PELI3: variants seen among roughly 807,000 people sequenced by gnomAD.
The protein encoded by PELI3 is E3 ubiquitin-protein ligase pellino homolog 3.
PELI3 carries 19 observed loss-of-function variants against 35.5 expected under a neutral mutation model. That is an observed-to-expected ratio of 0.54 (90% CI 0.37 to 0.79). PELI3 has a LOEUF of 0.79. Among genes scored for constraint, PELI3 ranks in the 30% least tolerant of loss-of-function variants. The pLI is 0.00. For missense variants in PELI3, 490 were observed against 661.2 expected (o/e 0.74, Z 2.84); for synonymous variants, 262 against 279.2 (o/e 0.94, Z 0.62).
At position 66,475,675 on chromosome 11, in the gene PELI3, G is replaced by C. The variant is rs549816627; in HGVS notation, c.918G>C (p.Pro306=). 1.9e-6 allele frequency: 3 copies of C among 1,612,560 alleles called. No individual in the cohort carries two copies. The Admixed American group carries it at 5.0e-5, about 27-fold the overall frequency. The change falls in exon 8 of 8, where the codon CCG becomes CCC. Residue 306 remains proline (P), a synonymous_variant. Transcript: ENST00000320740. ...LCGATLLWRT[P]AGLLRAPTLK... ...GGGCCACACTGCTGTGGCGCACACC[G>C]GCGGGGCTGCTGCGGGCTCCCACAC... is the stretch of plus-strand genomic sequence containing the variant.
At position 66,471,152 on chromosome 11, in the gene PELI3, C is replaced by A; in HGVS notation, c.225-90C>A. 4 of 1,453,186 alleles carry A rather than the reference C, an allele frequency of 2.8e-6. No homozygotes were observed. The South Asian group carries it at 3.8e-5, about 14-fold the overall frequency. The allele number at this position is 1,453,186 out of a possible 1,614,324, so 90.0% of individuals were successfully genotyped here. A position where few individuals can be genotyped will look rare whatever the true frequency, so the allele number is the denominator to read the frequency against. ...AAGGTAGGATCTGCCTAGAAGTTGG[C>A]AGTTTCCTCCAAGTCTCATCAGGGG... is the stretch of plus-strand genomic sequence containing the variant. On this transcript the variant is annotated intron_variant, in intron 3 of 7. Coordinates refer to ENST00000320740, the MANE Select transcript of PELI3 (RefSeq NM_145065.3).
At chr11:66,474,291 A>G in intron 7 of PELI3, 5 of 577,900 alleles carry the variant, frequency 8.7e-6, no homozygotes, top group Non-Finnish European at 1.5e-5. Context: ...TTTATAGCCT[A>G]AAGGGTTGGC....
chr11:66,475,675 G>A lies in PELI3; in HGVS notation c.918G>A (p.Pro306=), dbSNP rs549816627. ...LCGATLLWRT[P]AGLLRAPTLK... is the part of the protein sequence containing the mutation. ...GGGCCACACTGCTGTGGCGCACACC[G>A]GCGGGGCTGCTGCGGGCTCCCACAC... The change falls in exon 8 of 8, where the codon CCG becomes CCA. Residue 306 remains proline, a synonymous_variant. Transcript: ENST00000320740. The A allele has an allele frequency of 7.4e-6, 12 of 1,612,560 alleles. No homozygotes were observed. The highest frequency in any genetic ancestry group is 4.0e-5 in the African/African-American group (3 of 75,052).
intron 2 of PELI3, 122 bp from the exon 3 acceptor site, chr11:66,468,711 A>C: frequency 1.8e-6 from 1 of 567,336 alleles, no homozygotes; most frequent in Non-Finnish European, 3.3e-6. Flanking sequence ...TTGTTGGAAG[A>C]AATGAATGAG....
At position 66,469,664 on chromosome 11, in the gene PELI3, C is replaced by A. The variant is rs147251406; in HGVS notation, c.224+760C>A. Among the ~76,000 whole-genome samples, 1,321 of 152,338 alleles carry A rather than the reference C, an allele frequency of 8.7e-3. 24 individuals carry two copies. Among genetic ancestry groups the A allele is most frequent in the African/African-American group, 0.029 (1,217 of 41,566 alleles). ...CATGGGTATGGACCCTCCTGTCAGC[C>A]CCCTTGGGGAGCAGAGTCCACACTG... On this transcript the variant is annotated intron_variant, in intron 3 of 7. Coordinates refer to ENST00000320740, the MANE Select transcript of PELI3 (RefSeq NM_145065.3).
chr11:66,476,484 A>G lies in PELI3; in HGVS notation c.*317A>G. The G allele has an allele frequency of 2.7e-6, 1 of 371,996 alleles. No individual in the cohort carries two copies. Among genetic ancestry groups the G allele is most frequent in the South Asian group, 3.8e-5 (1 of 26,406 alleles). 23.0% of individuals were successfully genotyped at this position (371,996 alleles called of 1,614,324 possible). On this transcript the variant is annotated 3_prime_UTR_variant, in exon 8 of 8. Coordinates refer to ENST00000320740, the MANE Select transcript of PELI3 (RefSeq NM_145065.3). The stretch of plus-strand genomic sequence containing the variant: ...ACACTGTGTGCCCCTGGGGGAGTGA[A>G]GGGGCCAGGGGCCTTTGACCCCCAG...
At chr11:66,471,410 C>T (rs760792667) in intron 4 of PELI3, 39 bp downstream of exon 4, 3 of 1,604,538 alleles carry the variant, frequency 1.9e-6, no homozygotes, top group Middle Eastern at 1.7e-4. Context: ...CCTGCCCTCC[C>T]TGCCCAAGGC....
At chr11:66,468,467 T>C in intron 2 of PELI3, among the ~76,000 whole-genome samples, 187 bp downstream of exon 2, 1 of 152,244 alleles carries the variant, frequency 6.6e-6, no homozygotes, top group East Asian at 1.9e-4. Context: ...CTTCCCATTT[T>C]TCACAAAGTA....
intron 7 of PELI3, 117 bp downstream of exon 7, chr11:66,474,042 G>A (rs1172455995): frequency 1.3e-5 from 18 of 1,343,994 alleles, no homozygotes; most frequent in Non-Finnish European, 1.9e-5. Flanking sequence ...AGCCCCAACA[G>A]GCTCCATATC....
chr11:66,473,504 A>G lies in PELI3; in HGVS notation c.651+69A>G. The G allele has an allele frequency of 1.3e-6, 2 of 1,498,208 alleles. No homozygotes were observed. The highest frequency in any genetic ancestry group is 2.5e-5 in the South Asian group (2 of 79,244). The allele number at this position is 1,498,208 out of a possible 1,614,324, so 92.8% of individuals were successfully genotyped here. On this transcript the variant is annotated intron_variant, in intron 6 of 7. Transcript: ENST00000320740. This position sits in a 1 kb window ranked among gnomAD's most constrained non-coding sequence, Gnocchi z 5.8. Reference sequence around the variant, plus strand: ...AAGGGGTAGGCTTGGGAGGTGCAGCATCTTGAGGTGATGAACCAGCCCACA... The same window carrying G: ...AAGGGGTAGGCTTGGGAGGTGCAGCGTCTTGAGGTGATGAACCAGCCCACA...
rs748894254 is a variant in PELI3 at position 66,473,917 on chromosome 11, G to T, written c.832G>T (p.Gly278Cys). Residue 278 changes from glycine (G) to cysteine (C), a missense_variant, in exon 7 of 8, where the codon GGC becomes TGC. Around this residue, in one of 3 missense-constraint regions of PELI3, gnomAD observed 349 missense variants for 484.8 expected, o/e 0.72. Transcript: ENST00000320740. This position sits in a 1 kb window ranked among gnomAD's most constrained non-coding sequence, Gnocchi z 5.8. ...LRDSRSAQQR[G>C]KLVENESNVL... is the part of the protein sequence containing the mutation. Reference sequence around the variant, plus strand: ...GGACAGCCGCTCAGCCCAGCAGCGGGGCAAGCTGGTAGGTGGCCCGCTCCA... The same window carrying T: ...GGACAGCCGCTCAGCCCAGCAGCGGTGCAAGCTGGTAGGTGGCCCGCTCCA... 1.2e-6 allele frequency: 2 copies of T among 1,613,196 alleles called. No individual in the cohort carries two copies. The highest frequency in any genetic ancestry group is 1.7e-6 in the Non-Finnish European group (2 of 1,180,000).
intron 4 of PELI3, 164 bp from the exon 5 acceptor site, chr11:66,472,205 C>T: frequency 1.7e-6 from 1 of 595,800 alleles, no homozygotes; most frequent in Non-Finnish European, 3.0e-6. Flanking sequence ...GACTGTAGGG[C>T]TTAAATCATG....
In PELI3 at chr11:66,475,611, C is replaced by T. The variant is rs775846105; in HGVS notation, c.854C>T (p.Ser285Phe). Reference sequence around the variant, plus strand: ...TGCCTCTGGCAGGTGGAAAACGAGTCCAACGTGCTGCAGGACGGCTCTCTC... The same window carrying T: ...TGCCTCTGGCAGGTGGAAAACGAGTTCAACGTGCTGCAGGACGGCTCTCTC... Reference protein sequence around the residue: ...QQRGKLVENESNVLQDGSLID... With the variant: ...QQRGKLVENEFNVLQDGSLID... Residue 285 changes from serine (S) to phenylalanine (F), a missense_variant, in exon 8 of 8, where the codon TCC becomes TTC. Coordinates refer to ENST00000320740, the MANE Select transcript of PELI3 (RefSeq NM_145065.3). 3 of 1,612,264 alleles carry T rather than the reference C, an allele frequency of 1.9e-6. No individual in the cohort carries two copies. The highest frequency in any genetic ancestry group is 2.5e-6 in the Non-Finnish European group (3 of 1,179,760).
At chr11:66,475,410 G>A (rs1032719686) in intron 7 of PELI3, among the ~76,000 whole-genome samples, 188 bp from the exon 8 acceptor site, 22 of 152,248 alleles carry the variant, frequency 1.4e-4, no homozygotes, top group African/African-American at 3.1e-4. Flanking sequence ...CCCATGCCCC[G>A]TTGGGAGGGG....
rs1228504541 is a variant in PELI3, at chr11:66,467,082, C to G, written c.-2+55C>G. On this transcript the variant is annotated intron_variant, in intron 1 of 7. Transcript: ENST00000320740. The surrounding 1 kb of genome is among the most constrained non-coding windows in gnomAD (Gnocchi z 4.2). ...GCTGCGCCAGGCGGGCCCCGGCGGG[C>G]GCGGGGGGCGTGTTTGCGTGTCTGG... The G allele has an allele frequency of 1.4e-5, 2 of 145,552 alleles. No individual in the cohort carries two copies. Among genetic ancestry groups the G allele is most frequent in the Non-Finnish European group, 3.1e-5 (2 of 65,490 alleles). The allele number at this position is 145,552 out of a possible 1,614,324, so 9.0% of individuals were successfully genotyped here.
chr11:66,470,473 G>T (rs1300703345), intron 3 of PELI3, among the ~76,000 whole-genome samples: 1 of 152,154 alleles, frequency 6.6e-6, no homozygotes, highest in Non-Finnish European at 1.5e-5. Context: ...TTGTAAGATG[G>T]GCAGAAAGCC....
rs1854909626 is a variant in PELI3 at position 66,476,102 on chromosome 11, T to G, written c.1345T>G (p.Cys449Gly). 6.2e-7 allele frequency: 1 copy of G among 1,601,776 alleles called. No homozygotes were observed. The highest frequency in any genetic ancestry group is 8.5e-7 in the Non-Finnish European group (1 of 1,176,898). The part of the protein sequence containing the change: ...THAFHAACPF[C>G]GAWLTGEHGC... ...TGCTTTCCATGCCGCCTGCCCCTTT[T>G]GCGGGGCCTGGCTTACCGGCGAGCA... The change falls in exon 8 of 8, where the codon TGC becomes GGC. Residue 449 changes from cysteine to glycine, a missense_variant. Cys to Gly is a radical substitution (Grantham distance 159). This residue lies in a region of PELI3 where 349 missense variants were observed against 484.8 expected (regional missense o/e 0.72). Coordinates refer to ENST00000320740, the MANE Select transcript of PELI3 (RefSeq NM_145065.3).
chr11:66,472,304 C>G (rs1854750216), intron 4 of PELI3, 65 bp from the exon 5 acceptor site: 1 of 1,284,246 alleles, frequency 7.8e-7, no homozygotes, highest in Non-Finnish European at 1.1e-6. Flanking sequence ...GCTCCAGGTG[C>G]TTGCTCAAGG....
chr11:66,471,517 C>A, intron 4 of PELI3, 146 bp downstream of exon 4: 2 of 1,180,660 alleles, frequency 1.7e-6, no homozygotes, highest in Non-Finnish European at 2.3e-6. Flanking sequence ...ATTGGGCCAT[C>A]CGAGAATGGT....
Sources: allele counts gnomAD v4.1 joint callset (sites outside exome capture counted in the v4.1 genomes callset), GRCh38; gene constraint gnomAD v4.1.1; regional missense constraint gnomAD v4.1.1; non-coding constraint Gnocchi (gnomAD v3.1); transcripts MANE v1.5; gene names NCBI Gene and HGNC (gene_info 2026-07-23, HGNC 2026-07-21).